Variants in MBD1 observed in about 807,000 individuals in gnomAD.
The protein encoded by MBD1 is methyl-CpG binding domain protein 1, also known as methyl-CpG-binding domain protein 1.
Under a neutral mutation model 82.6 loss-of-function variants are expected in MBD1, and 25 were observed. That is an observed-to-expected ratio of 0.30 (90% CI 0.22 to 0.42). The LOEUF (loss-of-function observed/expected upper bound fraction) is 0.42. MBD1 is among the 10% of genes least tolerant of loss of function. The probability of loss-of-function intolerance (pLI) is 1.00; values close to 1 mark genes in which losing one functional copy is unlikely to be tolerated. For synonymous variants in MBD1, 301 were observed against 303.7 expected (o/e 0.99, Z 0.09); for missense variants, 627 against 819.6 (o/e 0.76, Z 2.87).
intron 13 of MBD1, 189 bp from the exon 14 acceptor site, chr18:50,273,144 G>T: frequency 8.3e-7 from 1 of 1,205,164 alleles, no homozygotes; most frequent in Non-Finnish European, 1.2e-6. Context: ...CTGTTAGCTG[G>T]ATAGCAAAGC....
chr18:50,275,119 G>A lies in MBD1; in HGVS notation c.909+10C>T. 1 of 1,613,680 alleles carries A rather than the reference G, an allele frequency of 6.2e-7. No individual in the cohort carries two copies. The highest frequency in any genetic ancestry group is 8.5e-7 in the Non-Finnish European group (1 of 1,179,610). On this transcript the variant is annotated intron_variant, in intron 9 of 16. Coordinates refer to ENST00000269468, the MANE Select transcript of MBD1 (RefSeq NM_015846.4). ...GGGTTGTGCCTTCCCTCCACCCACT[G>A]GGGCCTCACCGGCTCTGTGGGCTCT...
intron 2 of MBD1, chr18:50,279,667 C>T (rs1050116677): frequency 1.0e-5 from 6 of 592,906 alleles, no homozygotes; most frequent in African/African-American, 1.9e-5. Flanking sequence ...CTGCTCTGTA[C>T]GTATTCTTGA....
intron 2 of MBD1, among the ~76,000 whole-genome samples, chr18:50,279,116 G>A (rs965712808): frequency 6.6e-6 from 1 of 152,214 alleles, no homozygotes; most frequent in Non-Finnish European, 1.5e-5. Context: ...CTTTTGAAAT[G>A]TGCAAGTCAG....
chr18:50,272,515 G>C, intron 15 of MBD1, 162 bp downstream of exon 15: 1 of 790,980 alleles, frequency 1.3e-6, no homozygotes, highest in South Asian at 1.4e-5. Flanking sequence ...GAAATCTCTA[G>C]GGTCCTACAC....
In MBD1 at chr18:50,273,707, T is replaced by C. The variant is rs2036583198; in HGVS notation, c.1303A>G (p.Thr435Ala). The C allele has an allele frequency of 1.9e-6, 3 of 1,614,016 alleles. No homozygotes were observed. The highest frequency in any genetic ancestry group is 2.5e-6 in the Non-Finnish European group (3 of 1,180,050). Residue 435 changes from threonine (T) to alanine (A), a missense_variant, in exon 12 of 17, where the codon ACC becomes GCC. Thr to Ala is a moderately conservative substitution (Grantham distance 58). Transcript: ENST00000269468. ...LATRTAQPDHTQAPTKQEAGG... is the reference protein window; with the variant it reads ...LATRTAQPDHAQAPTKQEAGG... ...GCTTCCTGCTTCGTTGGAGCCTGGG[T>C]ATGGTCTGGTTGGGCTGTGCGTGTA...
chr18:50,280,349 C>T (rs945010414), intron 1 of MBD1, among the ~76,000 whole-genome samples: 3 of 151,910 alleles, frequency 2.0e-5, no homozygotes, highest in African/African-American at 7.3e-5. Context: ...CCCCTCATTC[C>T]TCCCTGTCAC....
chr18:50,272,552 C>T, intron 15 of MBD1, 125 bp downstream of exon 15: 3 of 1,008,736 alleles, frequency 3.0e-6, no homozygotes, highest in Non-Finnish European at 4.7e-6. Context: ...TTGTGACCAG[C>T]ATAGTGGGTA....
chr18:50,270,270 G>T, intron 16 of MBD1: 1 of 977,016 alleles, frequency 1.0e-6, no homozygotes, highest in Non-Finnish European at 1.6e-6. Context: ...AGGCAAGGGA[G>T]GCACACAGGA....
intron 16 of MBD1, chr18:50,271,179 G>A (rs1485681688): frequency 8.0e-7 from 1 of 1,249,200 alleles, no homozygotes; most frequent in Non-Finnish European, 1.0e-6. Flanking sequence ...GTTGTTTTGT[G>A]GTGGCTTTAA....
At chr18:50,270,396 G>A in intron 16 of MBD1, 1 of 513,456 alleles carries the variant, frequency 1.9e-6, no homozygotes, top group Non-Finnish European at 3.8e-6. Flanking sequence ...GTGAGGTAGG[G>A]CTGAGCCAAG....
downstream of MBD1, chr18:50,268,800 A>T: frequency 1.9e-6 from 1 of 539,810 alleles, no homozygotes; most frequent in Non-Finnish European, 2.4e-6. Context: ...GGCAGTCAAC[A>T]CTGTTCCCAC....
At chr18:50,278,717 C>T (rs565847710) in intron 2 of MBD1, among the ~76,000 whole-genome samples, 27 of 152,312 alleles carry the variant, frequency 1.8e-4, no homozygotes, top group African/African-American at 5.8e-4. Context: ...ATGGTAGTTA[C>T]GTTCTACAAA....
chr18:50,270,584 G>T (rs1252240821), intron 16 of MBD1: 2 of 332,536 alleles, frequency 6.0e-6, no homozygotes, highest in Non-Finnish European at 6.0e-6. Context: ...GGGGAGTCAG[G>T]GTAACAAGCA....
At chr18:50,281,570 A>T (rs557872281), upstream of MBD1, 1 of 573,482 alleles carries the variant, frequency 1.7e-6, no homozygotes, top group Non-Finnish European at 3.1e-6. Flanking sequence ...CCTCTGGCTA[A>T]GCACCTGCGC....
chr18:50,275,072 G>C (rs1228452393), intron 9 of MBD1, 27 bp from the exon 10 acceptor site: 1 of 1,613,676 alleles, frequency 6.2e-7, no homozygotes. Context: ...GGTGGGGTCA[G>C]GGCAGGTACT....
downstream of MBD1, among the ~76,000 whole-genome samples, chr18:50,267,996 T>C (rs1301080025): frequency 1.3e-5 from 2 of 152,274 alleles, no homozygotes; most frequent in Admixed American, 1.3e-4. Context: ...ATAACGGTTC[T>C]TTCAATTGCA....
intron 1 of MBD1, among the ~76,000 whole-genome samples, chr18:50,280,376 A>G (rs1354858757): frequency 2.0e-5 from 3 of 150,270 alleles, no homozygotes; most frequent in Admixed American, 6.6e-5. Context: ...AAGGGCCTCT[A>G]TCCCTCTATT....
At chr18:50,267,656 G>T, downstream of MBD1, 2 of 1,535,792 alleles carry the variant, frequency 1.3e-6, no homozygotes, top group East Asian at 2.4e-5. Flanking sequence ...AGAGCAAGGT[G>T]GTAATACCTA....
intron 10 of MBD1, 35 bp downstream of exon 10, chr18:50,274,942 T>C: frequency 6.2e-7 from 1 of 1,609,840 alleles, no homozygotes. Context: ...CGTCCTGAGA[T>C]TCTAGGCTTA....
Sources: allele counts gnomAD v4.1 joint callset (sites outside exome capture counted in the v4.1 genomes callset), GRCh38; gene constraint gnomAD v4.1.1; transcripts MANE v1.5; gene names NCBI Gene and HGNC (gene_info 2026-07-23, HGNC 2026-07-21).